C4orf50: variants seen among roughly 807,000 people sequenced by gnomAD.
C4orf50 encodes uncharacterized protein C4orf50.
In C4orf50, 80 loss-of-function variants were observed where a neutral mutation model predicts 77.2. The ratio of observed to expected loss-of-function variants is 1.04; its 90% CI spans 0.87 to 1.25. The LOEUF is 1.25. Ranked by LOEUF, C4orf50 falls within the 50% of genes most tolerant of loss-of-function variation. C4orf50 has a pLI of 0.00. For synonymous variants in C4orf50, 532 were observed against 465.3 expected (o/e 1.14, Z -1.84); for missense variants, 1,257 against 1,152.9 (o/e 1.09, Z -1.31).
rs58512584 is a variant in C4orf50, at chr4:5,987,412, C to CAAAAAAAAAAAAAAAAAA, written c.3699+917_3699+934dup. Among the ~76,000 whole-genome samples the CAAAAAAAAAAAAAAAAAA allele has an allele frequency of 7.4e-4, 25 of 33,642 alleles. 3 individuals are homozygous for CAAAAAAAAAAAAAAAAAA. The highest frequency in any genetic ancestry group is 5.6e-3 in the East Asian group (4 of 712). The allele number at this position is 33,642 out of a possible 152,430, so 22.1% of individuals were successfully genotyped here. A position where few individuals can be genotyped will look rare whatever the true frequency, so the allele number is the denominator to read the frequency against. On this transcript the variant is annotated intron_variant, in intron 28 of 33. Coordinates refer to ENST00000531445, the Ensembl canonical transcript of C4orf50. ...GGTGACAGAGCGAGACTCTGTCTCA[C>CAAAAAAAAAAAAAAAAAA]AAAAAAAAAAAAAAAAAAAAAAAGA...
intron 7 of C4orf50, among the ~76,000 whole-genome samples, chr4:5,922,256 G>C (rs1038760856): frequency 6.6e-6 from 1 of 152,222 alleles, no homozygotes; most frequent in East Asian, 1.9e-4. Context: ...GGGGACAGAG[G>C]ATGGGCCCTC....
In C4orf50 at chr4:5,973,605, G is replaced by A. The variant is rs890203927; in HGVS notation, c.4104+54C>T. 10 of 1,447,710 alleles carry A rather than the reference G, an allele frequency of 6.9e-6. No homozygotes were observed. In the African/African-American group the frequency reaches 7.0e-5, roughly 10 times the overall value. 89.7% of individuals were successfully genotyped at this position (1,447,710 alleles called of 1,614,324 possible). A position where few individuals can be genotyped will look rare whatever the true frequency, so the allele number is the denominator to read the frequency against. ...TCCAGTCAGGCAGGGGCATGCAAGG[G>A]ACGCGCCCACACTCCCATAGGAAGC... On this transcript the variant is annotated intron_variant, in intron 31 of 33. Coordinates refer to ENST00000531445, the Ensembl canonical transcript of C4orf50.
Position 5,905,242 on chromosome 4 carries a change from C to A in C4orf50, c.*2475-7054G>T, listed in dbSNP as rs1242882796. 2 of 152,208 alleles carry A rather than the reference C, an allele frequency of 1.3e-5. No homozygotes were observed. The highest frequency in any genetic ancestry group is 2.1e-4 in the South Asian group (1 of 4,828). 9.4% of individuals were successfully genotyped at this position (152,208 alleles called of 1,614,324 possible). On this transcript the variant is annotated intron_variant, in intron 7 of 7. Coordinates refer to the C4orf50 transcript ENST00000324058. This position sits in a 1 kb window ranked among gnomAD's most constrained non-coding sequence, Gnocchi z 5.4. ...TTAAATATGGGCTTCTTACAGTCAA[C>A]AGCCATCTCTTGGGTCCCCAGGTTG...
At chr4:5,977,872 T>C (rs1485797369) in intron 29 of C4orf50, among the ~76,000 whole-genome samples, 1 of 152,086 alleles carries the variant, frequency 6.6e-6, no homozygotes, top group Non-Finnish European at 1.5e-5. Context: ...CAAGAAGAAA[T>C]TAAAAAGATA....
intron 29 of C4orf50, among the ~76,000 whole-genome samples, chr4:5,976,770 C>G (rs939542596): frequency 2.0e-5 from 3 of 152,244 alleles, no homozygotes; most frequent in African/African-American, 7.2e-5. Context: ...TTAGAACAAG[C>G]CCTGGCACCT....
chr4:5,947,068 C>T (rs892869687), intron 7 of C4orf50, among the ~76,000 whole-genome samples: 1 of 152,178 alleles, frequency 6.6e-6, no homozygotes, highest in Non-Finnish European at 1.5e-5. Context: ...TTCCCACCGA[C>T]TCACTCATGG....
chr4:5,949,989 C>CAA (rs374177600), intron 7 of C4orf50, among the ~76,000 whole-genome samples: 2,881 of 115,058 alleles, frequency 0.025, 134 homozygotes, highest in Admixed American at 0.13. Context: ...AACTCCATCT[C>CAA]AAAAAAAAAA....
rs1392070948 is a variant in C4orf50 at position 5,901,744 on chromosome 4, G to A, written c.*2475-3556C>T. On this transcript the variant is annotated intron_variant, in intron 7 of 7. Transcript: ENST00000324058. This position sits in a 1 kb window ranked among gnomAD's most constrained non-coding sequence, Gnocchi z 4.4. ...GGCCTTGCCCAGGGACCCTGGAAAT[G>A]ACTGAGGGGATAACCGAAGCAGCAC... is the stretch of plus-strand genomic sequence containing the variant. 6.6e-6 allele frequency: 1 copy of A among 152,348 alleles called. No homozygotes were observed. The highest frequency in any genetic ancestry group is 2.4e-5 in the African/African-American group (1 of 41,452). The allele number at this position is 152,348 out of a possible 1,614,324, so 9.4% of individuals were successfully genotyped here.
At position 6,009,324 on chromosome 4, in the gene C4orf50, C is replaced by T. The variant is rs796079780; in HGVS notation, c.427-792G>A. Among the ~76,000 whole-genome samples the T allele has an allele frequency of 6.6e-6, 1 of 152,338 alleles. No individual in the cohort carries two copies. Among genetic ancestry groups the T allele is most frequent in the Non-Finnish European group, 1.5e-5 (1 of 68,024 alleles). On this transcript the variant is annotated intron_variant, in intron 24 of 33. Transcript: ENST00000531445. The surrounding 1 kb of genome is among the most constrained non-coding windows in gnomAD (Gnocchi z 5.6). ...TAATTCAAGCAAAGGGATAGAACTA[C>T]GTCTACGTTAATCTTTCAACTACTG...
intron 7 of C4orf50, among the ~76,000 whole-genome samples, chr4:5,913,425 G>A (rs577839820): frequency 6.2e-4 from 94 of 152,282 alleles, no homozygotes; most frequent in African/African-American, 2.0e-3. Context: ...GTCAGAGAAA[G>A]CTCTGGTGTG....
chr4:5,963,640 A>G (rs529042737), intron 33 of C4orf50, among the ~76,000 whole-genome samples: 2 of 152,208 alleles, frequency 1.3e-5, no homozygotes, highest in Non-Finnish European at 2.9e-5. Flanking sequence ...TGGGGATAAA[A>G]GAAGGGAGAA....
downstream of C4orf50, among the ~76,000 whole-genome samples, chr4:5,952,418 G>A (rs368150669): frequency 1.3e-5 from 2 of 152,188 alleles, no homozygotes; most frequent in Admixed American, 6.5e-5. The surrounding 1 kb of genome is among the most constrained non-coding windows in gnomAD (Gnocchi z 4.4). Context: ...CAGTGGGGAC[G>A]GCAGGCACCT....
chr4:6,002,045 A>G (rs1477717061), intron 25 of C4orf50, among the ~76,000 whole-genome samples: 1 of 152,212 alleles, frequency 6.6e-6, no homozygotes, highest in African/African-American at 2.4e-5. Context: ...GTGCCTTCCC[A>G]AAAGAAATAG....
chr4:6,004,237 G>A (rs200413977), intron 25 of C4orf50, among the ~76,000 whole-genome samples: 2,290 of 49,694 alleles, frequency 0.046, 10 homozygotes, highest in East Asian at 0.15. Context: ...TGATGGTGAT[G>A]ATGATGGTGA....
intron 29 of C4orf50, among the ~76,000 whole-genome samples, chr4:5,979,626 G>GT (rs1225530637): frequency 6.6e-6 from 1 of 152,220 alleles, no homozygotes; most frequent in Non-Finnish European, 1.5e-5. Context: ...TCTTGTACAT[G>GT]TTTTTTAGAG....
In C4orf50 at chr4:5,939,199, C is replaced by T. The variant is rs551770883; in HGVS notation, c.*2474+17702G>A. Among the ~76,000 whole-genome samples, 36 of 152,124 alleles carry T rather than the reference C, an allele frequency of 2.4e-4. 1 individual carries two copies. Among genetic ancestry groups the T allele is most frequent in the African/African-American group, 7.0e-4 (29 of 41,504 alleles). On this transcript the variant is annotated intron_variant, in intron 7 of 7. Transcript: ENST00000324058. Reference sequence around the variant, plus strand: ...CAGAGGTTGCAGTGAGCCGAGATCGCGCCATTGCACTCCAGCATGGGCAAC... The same window carrying T: ...CAGAGGTTGCAGTGAGCCGAGATCGTGCCATTGCACTCCAGCATGGGCAAC...
chr4:5,944,146 C>G (rs1027587656), intron 7 of C4orf50, among the ~76,000 whole-genome samples: 1 of 152,186 alleles, frequency 6.6e-6, no homozygotes, highest in African/African-American at 2.4e-5. Flanking sequence ...CATCGAGCTT[C>G]CCTGGCCTCC....
chr4:6,004,624 G>A (rs1394911722), intron 25 of C4orf50, among the ~76,000 whole-genome samples: 18 of 137,854 alleles, frequency 1.3e-4, no homozygotes, highest in South Asian at 1.1e-3. Context: ...TGGTGATGGT[G>A]ATGGTGACTG....
In C4orf50 at chr4:5,947,809, T is replaced by C. The variant is rs577564902; in HGVS notation, c.*2474+9092A>G. 2.8e-3 allele frequency among the ~76,000 whole-genome samples: 425 copies of C among 152,276 alleles called. 2 individuals are homozygous for C. Among genetic ancestry groups the C allele is most frequent in the Non-Finnish European group, 3.0e-3 (202 of 68,006 alleles). ...GGATCGTCCCCCTGGGAGCCCCTGA[T>C]AAAATCAGGACTGCTTTATCTACTT... On this transcript the variant is annotated intron_variant, in intron 7 of 7. Transcript: ENST00000324058.
Sources: allele counts gnomAD v4.1 joint callset (sites outside exome capture counted in the v4.1 genomes callset), GRCh38; gene constraint gnomAD v4.1.1; non-coding constraint Gnocchi (gnomAD v3.1); transcripts MANE v1.5; gene names NCBI Gene and HGNC (gene_info 2026-07-23, HGNC 2026-07-21).